GC: variants seen among roughly 807,000 people sequenced by gnomAD.
GC encodes the protein GC vitamin D binding protein.
GC carries 43 observed loss-of-function variants against 56.7 expected under a neutral mutation model. The observed-to-expected ratio is 0.76, with a 90% confidence interval of 0.59 to 0.98. The LOEUF (loss-of-function observed/expected upper bound fraction) is 0.98. Among genes scored for constraint, GC ranks in the 50% least tolerant of loss-of-function variants. The pLI is 0.00. For missense variants in GC, 529 were observed against 545.9 expected, an observed-to-expected ratio of 0.97 and a Z score of 0.31; for synonymous variants, 216 against 202.7, an observed-to-expected ratio of 1.07 and a Z score of -0.56.
chr4:71,741,977 A>G, intron 12 of GC, 107 bp from the exon 13 acceptor site: 1 of 690,922 alleles, frequency 1.4e-6, no homozygotes, highest in Non-Finnish European at 2.6e-6. Context: ...TTTAATATTT[A>G]TGCCAAAAAT....
intron 8 of GC, among the ~76,000 whole-genome samples, chr4:71,756,388 A>G (rs1741769633): frequency 6.6e-6 from 1 of 152,172 alleles, no homozygotes; most frequent in Non-Finnish European, 1.5e-5. Context: ...AACATTTCCA[A>G]ATTAATTAAC....
At chr4:71,774,942 C>A (rs2149304106) in intron 1 of GC, among the ~76,000 whole-genome samples, 1 of 150,980 alleles carries the variant, frequency 6.6e-6, no homozygotes, top group South Asian at 2.1e-4. Flanking sequence ...TCGAAAGATT[C>A]ATTATTATTC....
At chr4:71,785,534 G>T (rs914231349), upstream of GC, among the ~76,000 whole-genome samples, 2 of 151,724 alleles carry the variant, frequency 1.3e-5, no homozygotes, top group African/African-American at 2.4e-5. Flanking sequence ...TGGGTGTTAG[G>T]TTCAGAAAAT....
chr4:71,775,823 C>T (rs1485020229), intron 1 of GC, among the ~76,000 whole-genome samples: 1 of 151,724 alleles, frequency 6.6e-6, no homozygotes, highest in Non-Finnish European at 1.5e-5. Flanking sequence ...AACCAATAAC[C>T]GATTTAAAAC....
chr4:71,793,325 C>G (rs918966950), intron 1 of GC, among the ~76,000 whole-genome samples: 1 of 152,048 alleles, frequency 6.6e-6, no homozygotes, highest in Non-Finnish European at 1.5e-5. Context: ...TTTGTGTCCT[C>G]TTATTTTGTT....
At chr4:71,755,801 A>T (rs941097163) in intron 8 of GC, among the ~76,000 whole-genome samples, 2 of 151,788 alleles carry the variant, frequency 1.3e-5, no homozygotes, top group Non-Finnish European at 2.9e-5. Flanking sequence ...GTTTGTGTAA[A>T]TTCCTTCATT....
chr4:71,783,655 A>T (rs901306343), intron 1 of GC, among the ~76,000 whole-genome samples: 2 of 151,798 alleles, frequency 1.3e-5, no homozygotes, highest in Admixed American at 6.6e-5. Context: ...CAATTAGCAA[A>T]TGTCTAATTT....
chr4:71,758,033 T>C lies in GC; in HGVS notation c.831+9A>G. On this transcript the variant is annotated intron_variant, in intron 7 of 12. Coordinates refer to ENST00000273951, the MANE Select transcript of GC (RefSeq NM_000583.4). ...CACATGGTGATAATGATAATAAAGCTTGTCTTACCTCTTTGGCCATGCAAT... is the reference window on the plus strand; with the variant it reads ...CACATGGTGATAATGATAATAAAGCCTGTCTTACCTCTTTGGCCATGCAAT... The C allele has an allele frequency of 1.9e-6, 3 of 1,611,450 alleles. No individual in the cohort carries two copies. The highest frequency in any genetic ancestry group is 2.5e-6 in the Non-Finnish European group (3 of 1,178,426).
Position 71,758,182 on chromosome 4 carries a change from A to C in GC, c.702-11T>G, listed in dbSNP as rs1468594238. On this transcript the variant is annotated splice_polypyrimidine_tract_variant and intron_variant, in intron 6 of 12. Coordinates refer to ENST00000273951, the MANE Select transcript of GC (RefSeq NM_000583.4). ...AACTTTATGAGATTGCTAAACAGTT[A>C]AAAATAAATATGTTAGCTTATCAAC... 1 of 1,607,498 alleles carries C rather than the reference A, an allele frequency of 6.2e-7. No homozygotes were observed. The highest frequency in any genetic ancestry group is 8.5e-7 in the Non-Finnish European group (1 of 1,175,746).
upstream of GC, chr4:71,784,080 A>G (rs934124540): frequency 5.2e-6 from 8 of 1,551,498 alleles, no homozygotes; most frequent in Middle Eastern, 1.7e-4. Context: ...TAAAAGTGGT[A>G]GCCAAAAGTA....
chr4:71,763,497 G>A lies in GC; in HGVS notation c.612C>T (p.Leu204=). ...SPTVCFLKER[L]QLKHLSLLTT... Reference sequence around the variant, plus strand: ...TGAGAAGTGATAAATGTTTAAGCTGGAGTCTCTAGAAAACAAGTGAAAGAA... The same window carrying A: ...TGAGAAGTGATAAATGTTTAAGCTGAAGTCTCTAGAAAACAAGTGAAAGAA... Residue 204 remains leucine, a synonymous_variant, in exon 6 of 13, where the codon CTC becomes CTT. Transcript: ENST00000273951. 2 of 1,578,514 alleles carry A rather than the reference G, an allele frequency of 1.3e-6. No individual in the cohort carries two copies. Among genetic ancestry groups the A allele is most frequent in the Non-Finnish European group, 1.7e-6 (2 of 1,148,456 alleles).
chr4:71,797,269 G>T (rs1304068078), intron 1 of GC, among the ~76,000 whole-genome samples: 1 of 152,240 alleles, frequency 6.6e-6, no homozygotes. Flanking sequence ...GCTGCCTTTT[G>T]TTCAGCTACA....
intron 1 of GC, among the ~76,000 whole-genome samples, chr4:71,773,558 G>A (rs1742408016): frequency 6.6e-6 from 1 of 151,954 alleles, no homozygotes; most frequent in Non-Finnish European, 1.5e-5. Context: ...CGTTGTAATG[G>A]GGATAGCTAA....
intron 1 of GC, among the ~76,000 whole-genome samples, chr4:71,795,852 G>A (rs1743088350): frequency 6.6e-6 from 1 of 152,126 alleles, no homozygotes; most frequent in East Asian, 1.9e-4. Context: ...GGCAGGTCTG[G>A]TGGTAACAAA....
upstream of GC, chr4:71,784,317 A>T: frequency 9.2e-7 from 1 of 1,082,782 alleles, no homozygotes; most frequent in Non-Finnish European, 1.1e-6. Context: ...GCCAAGGTAT[A>T]TAGATTATTT....
chr4:71,758,650 G>A (rs1460216606), intron 6 of GC, among the ~76,000 whole-genome samples: 1 of 152,018 alleles, frequency 6.6e-6, no homozygotes, highest in Non-Finnish European at 1.5e-5. Flanking sequence ...TGTGTGAATG[G>A]TATGCTATAC....
At chr4:71,775,136 T>C (rs900696317) in intron 1 of GC, among the ~76,000 whole-genome samples, 3 of 151,518 alleles carry the variant, frequency 2.0e-5, no homozygotes, top group African/African-American at 7.3e-5. Context: ...GTCTTAGTAG[T>C]GACAGAGACT....
chr4:71,803,955 A>G (rs778863189), exon 1 of GC: 81 of 1,490,470 alleles, frequency 5.4e-5, no homozygotes, highest in Non-Finnish European at 2.6e-5. Flanking sequence ...ATTTCCTACC[A>G]GTTGGACTAG....
intron 1 of GC, among the ~76,000 whole-genome samples, chr4:71,803,394 CAT>C (rs1191817202): frequency 6.6e-6 from 1 of 152,168 alleles, no homozygotes; most frequent in Non-Finnish European, 1.5e-5. Context: ...AGTAAGTACA[CAT>C]GAGTTTCACT....
Sources: allele counts gnomAD v4.1 joint callset (sites outside exome capture counted in the v4.1 genomes callset), GRCh38; gene constraint gnomAD v4.1.1; transcripts MANE v1.5; gene names NCBI Gene and HGNC (gene_info 2026-07-23, HGNC 2026-07-21).